EML1: variants seen among roughly 807,000 people sequenced by gnomAD.
EML1 encodes EMAP like 1, also known as echinoderm microtubule-associated protein-like 1.
In EML1, 27 loss-of-function variants were observed where a neutral mutation model predicts 110.4. The ratio of observed to expected loss-of-function variants is 0.24; its 90% CI spans 0.18 to 0.34. The LOEUF (loss-of-function observed/expected upper bound fraction) is 0.34, where lower values mean the gene tolerates loss of function less well. Ranked by LOEUF, EML1 falls within the 10% of genes least tolerant of loss-of-function variation. The pLI is 1.00. For missense variants in EML1, 741 were observed against 1,030.9 expected (o/e 0.72, Z 3.85); for synonymous variants, 344 against 385.8 (o/e 0.89, Z 1.27).
intron 1 of EML1, among the ~76,000 whole-genome samples, chr14:99,775,299 T>C (rs1188721334): frequency 6.6e-6 from 1 of 152,110 alleles, no homozygotes; most frequent in African/African-American, 2.4e-5. Flanking sequence ...CAGAGGACTG[T>C]CACAGACCTG....
chr14:99,868,065 G>A (rs548455169), intron 3 of EML1, among the ~76,000 whole-genome samples: 1 of 152,228 alleles, frequency 6.6e-6, no homozygotes, highest in South Asian at 2.1e-4. Context: ...TTCTGCATCA[G>A]TTGAAATGAT....
At chr14:99,848,212 A>G (rs2058735606) in intron 1 of EML1, among the ~76,000 whole-genome samples, 1 of 152,180 alleles carries the variant, frequency 6.6e-6, no homozygotes, top group African/African-American at 2.4e-5. Context: ...GAGGGATCAC[A>G]ATATACATCT....
At chr14:99,849,803 C>T (rs2058763212) in intron 1 of EML1, among the ~76,000 whole-genome samples, 1 of 152,048 alleles carries the variant, frequency 6.6e-6, no homozygotes, top group Admixed American at 6.5e-5. Context: ...TTGCCTTGGC[C>T]TCCCAGAGTG....
chr14:99,915,589 G>A (rs1418777308), intron 15 of EML1, among the ~76,000 whole-genome samples: 1 of 151,982 alleles, frequency 6.6e-6, no homozygotes, highest in Non-Finnish European at 1.5e-5. Context: ...TCTGCAGGTT[G>A]AAGAGGTTTT....
At chr14:99,741,703 AC>A (rs1225452782) in intron 1 of EML1, among the ~76,000 whole-genome samples, 1 of 147,802 alleles carries the variant, frequency 6.8e-6, no homozygotes, top group Non-Finnish European at 1.5e-5. Flanking sequence ...TGTCCCAGCC[AC>A]CCCCAGCTCT....
chr14:99,871,399 G>A (rs1468438115), intron 3 of EML1, among the ~76,000 whole-genome samples: 1 of 152,092 alleles, frequency 6.6e-6, no homozygotes, highest in Non-Finnish European at 1.5e-5. Flanking sequence ...TGTAATCCCA[G>A]CACTTTGGGA....
intron 1 of EML1, among the ~76,000 whole-genome samples, chr14:99,796,835 G>A (rs2057783988): frequency 6.6e-6 from 1 of 151,936 alleles, no homozygotes; most frequent in African/African-American, 2.4e-5. Flanking sequence ...ACGGAGGCTC[G>A]AAGAGATTTG....
At chr14:99,928,227 G>A (rs1323083546) in intron 17 of EML1, among the ~76,000 whole-genome samples, 8 of 119,940 alleles carry the variant, frequency 6.7e-5, no homozygotes, top group East Asian at 2.4e-4. Context: ...GGTGGTGGTG[G>A]TGGTGGTGGT....
rs1039490420 is a variant in EML1 at position 99,758,304 on chromosome 14, G to A, written c.28+20444G>A. 4.6e-5 allele frequency among the ~76,000 whole-genome samples: 7 copies of A among 152,210 alleles called. No homozygotes were observed. In the South Asian group the frequency reaches 6.2e-4, roughly 14 times the overall value. On this transcript the variant is annotated intron_variant, in intron 1 of 10. Coordinates refer to the EML1 transcript ENST00000554479. ...GGACAACCTGCCAGGGGGCTCTTTG[G>A]CTCTTGAGATGATGTCATCAGAGGC...
chr14:99,939,296 A>G lies in EML1; in HGVS notation c.2291A>G (p.His764Arg). 1 of 1,614,056 alleles carries G rather than the reference A, an allele frequency of 6.2e-7. No individual in the cohort carries two copies. Among genetic ancestry groups the G allele is most frequent in the Middle Eastern group, 1.6e-4 (1 of 6,062 alleles). ...ACAGGCGACGACTTTGGCAAAGTGC[A>G]CCTCTTCTCATACCCCTGCTCGCAG... Reference protein sequence around the residue: ...LSTGDDFGKVHLFSYPCSQFR... With the variant: ...LSTGDDFGKVRLFSYPCSQFR... The change falls in exon 21 of 22, where the codon CAC becomes CGC. Residue 764 changes from histidine to arginine, a missense_variant. His to Arg is a conservative substitution (Grantham distance 29). Coordinates refer to ENST00000262233, the MANE Select transcript of EML1 (RefSeq NM_004434.3). This position sits in a 1 kb window ranked among gnomAD's most constrained non-coding sequence, Gnocchi z 4.2.
intron 9 of EML1, among the ~76,000 whole-genome samples, chr14:99,901,893 C>T (rs750364840): frequency 6.6e-6 from 1 of 152,186 alleles, no homozygotes; most frequent in Non-Finnish European, 1.5e-5. Flanking sequence ...TCCCCAGCCC[C>T]TATTCAAGTT....
intron 1 of EML1, among the ~76,000 whole-genome samples, chr14:99,762,770 G>A (rs574492899): frequency 9.9e-5 from 15 of 152,248 alleles, no homozygotes; most frequent in Non-Finnish European, 1.6e-4. Context: ...ACTGCACTTC[G>A]CCCTAGGTGA....
At chr14:99,805,794 C>CA (rs568252807) in intron 1 of EML1, among the ~76,000 whole-genome samples, 7 of 149,298 alleles carry the variant, frequency 4.7e-5, no homozygotes, top group Non-Finnish European at 7.4e-5. Context: ...CTTTTTTTTT[C>CA]AAAAAAAAAT....
At chr14:99,793,753 G>A (rs1398070800) in intron 1 of EML1, among the ~76,000 whole-genome samples, 1 of 146,904 alleles carries the variant, frequency 6.8e-6, no homozygotes, top group East Asian at 2.0e-4. Flanking sequence ...GGCCGCCCCG[G>A]GCTCCCCGCC....
intron 1 of EML1, among the ~76,000 whole-genome samples, chr14:99,756,881 C>T (rs1364718519): frequency 3.9e-5 from 6 of 152,146 alleles, no homozygotes; most frequent in African/African-American, 1.2e-4. Flanking sequence ...GCACGCGGCC[C>T]GCACTCTCAC....
intron 17 of EML1, among the ~76,000 whole-genome samples, chr14:99,923,993 G>C (rs1333467542): frequency 6.6e-6 from 1 of 152,142 alleles, no homozygotes; most frequent in East Asian, 1.9e-4. Context: ...TGTTAGGATT[G>C]TAAGAGGGAT....
chr14:99,750,887 G>A (rs1448484405), intron 1 of EML1, among the ~76,000 whole-genome samples: 1 of 152,066 alleles, frequency 6.6e-6, no homozygotes, highest in Non-Finnish European at 1.5e-5. Context: ...GCCTGGGGGA[G>A]AGGTCTCCCT....
At chr14:99,836,402 G>GT (rs2058541507) in intron 1 of EML1, among the ~76,000 whole-genome samples, 1 of 152,096 alleles carries the variant, frequency 6.6e-6, no homozygotes, top group South Asian at 2.1e-4. Context: ...TTACGAGAGG[G>GT]TTTTTTTGGT....
At chr14:99,919,102 G>A (rs544653406) in intron 16 of EML1, among the ~76,000 whole-genome samples, 6 of 152,322 alleles carry the variant, frequency 3.9e-5, no homozygotes, top group Non-Finnish European at 8.8e-5. Flanking sequence ...AGTGCACACA[G>A]CACCTGCCAG....
Sources: gnomAD v4.1 joint callset for allele counts (sites outside exome capture counted in the v4.1 genomes callset) on GRCh38, gnomAD v4.1.1 for gene constraint, Gnocchi (gnomAD v3.1) non-coding constraint, MANE v1.5 for transcripts, NCBI Gene and HGNC (gene_info 2026-07-23, HGNC 2026-07-21) for gene names.